Variants in CMTM2 observed in about 807,000 individuals in gnomAD.
The protein encoded by CMTM2 is CKLF like MARVEL transmembrane domain containing 2.
Under a neutral mutation model 16.8 loss-of-function variants are expected in CMTM2, and 15 were observed. The observed-to-expected ratio is 0.89, with a 90% confidence interval of 0.60 to 1.37. The LOEUF is 1.37. CMTM2 is among the 40% of genes most tolerant of loss of function. The pLI, the probability that CMTM2 is intolerant of heterozygous loss-of-function variation, is 0.00. For missense variants in CMTM2, 282 were observed against 318.0 expected (o/e 0.89, Z 0.86); for synonymous variants, 117 against 118.7 (o/e 0.99, Z 0.09).
Position 66,587,979 on chromosome 16 carries a change from T to G in CMTM2, c.607T>G (p.Phe203Val). The G allele has an allele frequency of 6.2e-7, 1 of 1,614,138 alleles. No individual in the cohort carries two copies. The highest frequency in any genetic ancestry group is 8.5e-7 in the Non-Finnish European group (1 of 1,180,016). Residue 203 changes from phenylalanine (F) to valine (V), a missense_variant, in exon 4 of 4, where the codon TTC (phenylalanine) becomes GTC (valine). Coordinates refer to ENST00000268595, the MANE Select transcript of CMTM2 (RefSeq NM_144673.3). The part of the protein sequence containing the change: ...FIDVCLQRNH[F>V]RGKKAKKHML... The stretch of plus-strand genomic sequence containing the variant: ...CGATGTGTGTCTTCAAAGAAACCAC[T>G]TCAGAGGCAAGAAGGCCAAAAAGCA...
chr16:66,587,837 C>T (rs1042793370), intron 3 of CMTM2, 82 bp from the exon 4 acceptor site: 1 of 1,395,600 alleles, frequency 7.2e-7, no homozygotes, highest in Admixed American at 1.8e-5. Flanking sequence ...AACAGCACCC[C>T]CTGATGAATG....
At chr16:66,586,078 C>T (rs532767031) in intron 2 of CMTM2, among the ~76,000 whole-genome samples, 153 of 152,030 alleles carry the variant, frequency 1.0e-3, no homozygotes, top group Middle Eastern at 3.4e-3. Flanking sequence ...ATGGGGAGGG[C>T]GAGACTGAAG....
intron 2 of CMTM2, among the ~76,000 whole-genome samples, chr16:66,581,297 A>T (rs2014734043): frequency 6.6e-6 from 1 of 152,000 alleles, no homozygotes; most frequent in Admixed American, 6.6e-5. Flanking sequence ...CTAAACAAGG[A>T]GCCTGAGAAG....
intron 3 of CMTM2, among the ~76,000 whole-genome samples, chr16:66,587,641 C>CGAAATA (rs1567385220): frequency 6.6e-6 from 1 of 152,136 alleles, no homozygotes; most frequent in African/African-American, 2.4e-5. Context: ...GGAGCCAGCC[C>CGAAATA]AAGTTCCTTC....
Position 66,587,938 on chromosome 16 carries a change from G to T in CMTM2, c.566G>T (p.Gly189Val). 1 of 1,614,192 alleles carries T rather than the reference G, an allele frequency of 6.2e-7. No homozygotes were observed. The highest frequency in any genetic ancestry group is 8.5e-7 in the Non-Finnish European group (1 of 1,180,048). ...LLAVILIGAA[G>V]VFAFIDVCLQ... Reference sequence around the variant, plus strand: ...TTCCAGATCCTTATTGGTGCGGCTGGAGTTTTTGCTTTTATCGATGTGTGT... The same window carrying T: ...TTCCAGATCCTTATTGGTGCGGCTGTAGTTTTTGCTTTTATCGATGTGTGT... The change falls in exon 4 of 4, where the codon GGA becomes GTA. Residue 189 changes from glycine (G) to valine (V), a missense_variant. Physicochemically the swap from Gly to Val is moderately radical, Grantham distance 109. Transcript: ENST00000268595.
intron 2 of CMTM2, among the ~76,000 whole-genome samples, chr16:66,585,310 G>C (rs2014781060): frequency 1.3e-5 from 2 of 151,966 alleles, no homozygotes. Context: ...GGCTGAGGTG[G>C]GGAGGATCAC....
chr16:66,582,150 A>G (rs961413972), intron 2 of CMTM2, among the ~76,000 whole-genome samples: 15 of 152,356 alleles, frequency 9.8e-5, no homozygotes, highest in Non-Finnish European at 2.9e-5. Context: ...ATTTTAAGGG[A>G]TTATAGACAT....
At position 66,588,236 on chromosome 16, in the gene CMTM2, G is replaced by T; in HGVS notation, c.*117G>T. 6.4e-6 allele frequency: 6 copies of T among 931,226 alleles called. No individual in the cohort carries two copies. In the South Asian group the frequency reaches 9.6e-5, roughly 15 times the overall value. The allele number at this position is 931,226 out of a possible 1,614,324, so 57.7% of individuals were successfully genotyped here. Reference sequence around the variant, plus strand: ...CTTTTCCATTTTCATTACCACCTTTGCTTGGAAAAGAATGGATTAATGGAT... The same window carrying T: ...CTTTTCCATTTTCATTACCACCTTTTCTTGGAAAAGAATGGATTAATGGAT... On this transcript the variant is annotated 3_prime_UTR_variant, in exon 4 of 4. Transcript: ENST00000268595.
At chr16:66,581,396 C>T (rs2014734861) in intron 2 of CMTM2, among the ~76,000 whole-genome samples, 1 of 152,066 alleles carries the variant, frequency 6.6e-6, no homozygotes. Flanking sequence ...GAAATGTAAC[C>T]AGTATTGCTT....
At chr16:66,587,239 G>T in intron 3 of CMTM2, 141 bp downstream of exon 3, 1 of 707,778 alleles carries the variant, frequency 1.4e-6, no homozygotes. Flanking sequence ...AAGTTAAGTA[G>T]GCCGGGTGCA....
chr16:66,587,400 T>C (rs1246195840), intron 3 of CMTM2, among the ~76,000 whole-genome samples: 1 of 151,726 alleles, frequency 6.6e-6, no homozygotes, highest in Non-Finnish European at 1.5e-5. Context: ...CTACTAAAAA[T>C]ACAAAAATTA....
At position 66,579,912 on chromosome 16, in the gene CMTM2, C is replaced by G. The variant is rs1415617667; in HGVS notation, c.285+20C>G. ...AGTTTGGTGAGCTAAACTGGTATCC[C>G]TGGGTGGGGGGCCTTGGCCGAGGGT... On this transcript the variant is annotated intron_variant, in intron 1 of 3. Transcript: ENST00000268595. This position sits in a 1 kb window ranked among gnomAD's most constrained non-coding sequence, Gnocchi z 6.5. 16 of 994,712 alleles carry G rather than the reference C, an allele frequency of 1.6e-5. No homozygotes were observed. Among genetic ancestry groups the G allele is most frequent in the Non-Finnish European group, 2.4e-5 (16 of 661,858 alleles). The allele number at this position is 994,712 out of a possible 1,614,324, so 61.6% of individuals were successfully genotyped here. A position where few individuals can be genotyped will look rare whatever the true frequency, so the allele number is the denominator to read the frequency against.
Position 66,579,515 on chromosome 16 carries a change from C to T in CMTM2, c.-93C>T, listed in dbSNP as rs759302427. 1.6e-4 allele frequency: 245 copies of T among 1,493,510 alleles called. No individual in the cohort carries two copies. The highest frequency in any genetic ancestry group is 2.2e-4 in the South Asian group (18 of 80,570). 92.5% of individuals were successfully genotyped at this position (1,493,510 alleles called of 1,614,324 possible). On this transcript the variant is annotated 5_prime_UTR_variant, in exon 1 of 4. Coordinates refer to ENST00000268595, the MANE Select transcript of CMTM2 (RefSeq NM_144673.3). The surrounding 1 kb of genome is among the most constrained non-coding windows in gnomAD (Gnocchi z 6.5). ...CACGCCCTCTGAGCCGCTCGGTGGA[C>T]ACCAGGCACTCTAGTAGGCCTGGCC...
Position 66,587,021 on chromosome 16 carries a change from T to C in CMTM2, c.469T>C (p.Cys157Arg), listed in dbSNP as rs1231141341. The change falls in exon 3 of 4, where the codon TGT becomes CGT. Residue 157 changes from cysteine (C) to arginine (R), a missense_variant. Coordinates refer to ENST00000268595, the MANE Select transcript of CMTM2 (RefSeq NM_144673.3). ...GGACCTCTTCAACGACCTGATTGCT[T>C]GTGCGTTCCTTGTGGGAGCCGTGGT... is the stretch of plus-strand genomic sequence containing the variant. ...ISDLFNDLIA[C>R]AFLVGAVVFA... 8 of 1,614,006 alleles carry C rather than the reference T, an allele frequency of 5.0e-6. No individual in the cohort carries two copies. Among genetic ancestry groups the C allele is most frequent in the Non-Finnish European group, 6.8e-6 (8 of 1,180,018 alleles).
Position 66,580,136 on chromosome 16 carries a change from C to T in CMTM2, c.396C>T (p.Tyr132=), listed in dbSNP as rs763382465. The T allele has an allele frequency of 6.8e-6, 11 of 1,614,100 alleles. No homozygotes were observed. Among genetic ancestry groups the T allele is most frequent in the Non-Finnish European group, 9.3e-6 (11 of 1,180,046 alleles). The stretch of plus-strand genomic sequence containing the variant: ...TCTTCAGCTTCTTCATCTTACTGTA[C>T]AGCTTTGCCATTCATAGATACATAC... ...ISFFSFFILL[Y]SFAIHRYIPF... Residue 132 remains tyrosine (Y), a synonymous_variant, in exon 2 of 4, where the codon TAC becomes TAT. Transcript: ENST00000268595.
Position 66,579,934 on chromosome 16 carries a change from G to C in CMTM2, c.285+42G>C, listed in dbSNP as rs2014694525. The C allele has an allele frequency of 1.9e-6, 3 of 1,610,020 alleles. No homozygotes were observed. The African/African-American group carries it at 4.0e-5, about 21-fold the overall frequency. ...TCCCTGGGTGGGGGGCCTTGGCCGA[G>C]GGTGGGGGGAAGGAGGAGTAGGCTC... On this transcript the variant is annotated intron_variant, in intron 1 of 3. Transcript: ENST00000268595. This position sits in a 1 kb window ranked among gnomAD's most constrained non-coding sequence, Gnocchi z 6.5.
intron 2 of CMTM2, 166 bp from the exon 3 acceptor site, chr16:66,586,831 C>T (rs1419256023): frequency 3.3e-6 from 2 of 597,872 alleles, no homozygotes; most frequent in Admixed American, 5.6e-5. Context: ...AGCTGGAGGG[C>T]CACAGATATG....
chr16:66,580,352 G>C (rs566745897), intron 2 of CMTM2, 168 bp downstream of exon 2: 10 of 668,796 alleles, frequency 1.5e-5, no homozygotes, highest in East Asian at 1.1e-4. Flanking sequence ...GGGTGCAAGA[G>C]GGGTAGCTAG....
At chr16:66,581,715 C>T (rs575562238) in intron 2 of CMTM2, among the ~76,000 whole-genome samples, 68 of 152,312 alleles carry the variant, frequency 4.5e-4, no homozygotes, top group Admixed American at 3.7e-3. Context: ...AATAAGAAAA[C>T]ATGTTCATCT....
Sources: allele counts gnomAD v4.1 joint callset (sites outside exome capture counted in the v4.1 genomes callset), GRCh38; gene constraint gnomAD v4.1.1; non-coding constraint Gnocchi (gnomAD v3.1); transcripts MANE v1.5; gene names NCBI Gene and HGNC (gene_info 2026-07-23, HGNC 2026-07-21).